The following MYRIP variants were observed in gnomAD, a reference collection of about 807,000 sequenced individuals.
MYRIP encodes the protein rab effector MyRIP.
Under a neutral mutation model 98.0 loss-of-function variants are expected in MYRIP, and 49 were observed. The observed-to-expected ratio is 0.50, with a 90% confidence interval of 0.40 to 0.63. MYRIP has a LOEUF of 0.63. Among genes scored for constraint, MYRIP ranks in the 30% least tolerant of loss-of-function variants. MYRIP has a pLI of 0.00. For synonymous variants in MYRIP, 404 were observed against 409.5 expected (o/e 0.99, Z 0.16); for missense variants, 1,004 against 1,058.2 (o/e 0.95, Z 0.71).
chr3:40,177,563 C>CTATT (rs1424541284), intron 8 of MYRIP, among the ~76,000 whole-genome samples: 1 of 152,216 alleles, frequency 6.6e-6, no homozygotes, highest in Admixed American at 6.5e-5. Context: ...GATTTCTCAT[C>CTATT]TATTCTCTTG....
At chr3:40,150,048 C>T (rs1294766436) in intron 3 of MYRIP, among the ~76,000 whole-genome samples, 2 of 151,316 alleles carry the variant, frequency 1.3e-5, no homozygotes, top group Non-Finnish European at 2.9e-5. Context: ...AATTTGTTCT[C>T]GTCAGGCATA....
chr3:39,844,821 C>G (rs1020167025), intron 1 of MYRIP, among the ~76,000 whole-genome samples: 3 of 152,192 alleles, frequency 2.0e-5, no homozygotes, highest in Admixed American at 2.0e-4. Context: ...AGCGTAGCAT[C>G]TCTATTTATT....
At chr3:39,856,223 T>C (rs1942290018) in intron 1 of MYRIP, among the ~76,000 whole-genome samples, 1 of 152,226 alleles carries the variant, frequency 6.6e-6, no homozygotes, top group Admixed American at 6.5e-5. Flanking sequence ...TCAAATGATT[T>C]GTGAATTCTT....
rs77106312 is a variant in MYRIP, at chr3:39,960,659, A to C, written c.110+59733A>C. Among the ~76,000 whole-genome samples the C allele has an allele frequency of 3.0e-4, 46 of 152,240 alleles. 3 individuals carry two copies. In the East Asian group the frequency reaches 8.5e-3, roughly 28 times the overall value. ...ATCAAAGCAGCACTATTGGCGCCAC[A>C]TATATGTGTTGTGTATTTCTTTTGG... On this transcript the variant is annotated intron_variant, in intron 2 of 16. Coordinates refer to ENST00000302541, the MANE Select transcript of MYRIP (RefSeq NM_015460.4).
intron 3 of MYRIP, among the ~76,000 whole-genome samples, chr3:40,119,119 G>A (rs1949345082): frequency 6.6e-6 from 1 of 151,912 alleles, no homozygotes; most frequent in Admixed American, 6.6e-5. Context: ...TGAGTCAAAT[G>A]GTATTTCTAG....
At chr3:39,822,953 T>C (rs1941148608) in intron 1 of MYRIP, among the ~76,000 whole-genome samples, 1 of 152,012 alleles carries the variant, frequency 6.6e-6, no homozygotes, top group Admixed American at 6.6e-5. Flanking sequence ...TGTTGGACAC[T>C]TGGCTCTTGT....
chr3:39,913,207 G>T (rs1944069451), intron 2 of MYRIP, among the ~76,000 whole-genome samples: 1 of 152,100 alleles, frequency 6.6e-6, no homozygotes, highest in Admixed American at 6.5e-5. Flanking sequence ...ATATTAAAAG[G>T]TCTCTCAGAT....
chr3:39,897,786 G>A (rs13091671), intron 1 of MYRIP, among the ~76,000 whole-genome samples: 31,720 of 150,764 alleles, frequency 0.21, 3,567 homozygotes, highest in Middle Eastern at 0.27. Context: ...TGTCCATTTG[G>A]AGCTATTTTA....
At chr3:40,065,129 C>T (rs1410467055) in intron 3 of MYRIP, among the ~76,000 whole-genome samples, 1 of 152,184 alleles carries the variant, frequency 6.6e-6, no homozygotes, top group East Asian at 1.9e-4. Context: ...ATCCTTTGAT[C>T]CTTCCCAGCT....
At chr3:40,096,221 C>G (rs1948831650) in intron 3 of MYRIP, among the ~76,000 whole-genome samples, 1 of 152,126 alleles carries the variant, frequency 6.6e-6, no homozygotes, top group African/African-American at 2.4e-5. Flanking sequence ...GTCTCACGCT[C>G]TCACAGAGTG....
chr3:40,077,899 C>G (rs1464556975), intron 3 of MYRIP, among the ~76,000 whole-genome samples: 2 of 150,612 alleles, frequency 1.3e-5, no homozygotes, highest in African/African-American at 4.9e-5. Flanking sequence ...GAGCTGCCTG[C>G]CAGTCCCGCG....
At position 39,868,406 on chromosome 3, in the gene MYRIP, C is replaced by T. The variant is rs557544047; in HGVS notation, c.-30-32381C>T. ...GATTTCACTGGGTTTTTCTTTTCTC[C>T]TGCAACACCAATTAAGTGCTTTTCT... On this transcript the variant is annotated intron_variant, in intron 1 of 16. Transcript: ENST00000302541. Among the ~76,000 whole-genome samples the T allele has an allele frequency of 4.6e-5, 7 of 152,198 alleles. 1 individual carries two copies. In the South Asian group the frequency reaches 1.5e-3, roughly 32 times the overall value.
chr3:40,079,835 C>CT (rs1454247329), intron 3 of MYRIP, among the ~76,000 whole-genome samples: 2 of 152,210 alleles, frequency 1.3e-5, no homozygotes, highest in Non-Finnish European at 2.9e-5. Context: ...TACAAAATAA[C>CT]TTTGACTATC....
At chr3:40,166,669 T>C (rs1950506358) in intron 5 of MYRIP, among the ~76,000 whole-genome samples, 177 bp from the exon 6 acceptor site, 1 of 152,048 alleles carries the variant, frequency 6.6e-6, no homozygotes, top group Non-Finnish European at 1.5e-5. Context: ...GCATGGGATG[T>C]GAATGATGCA....
At chr3:40,247,322 C>CA (rs1239729738) in intron 13 of MYRIP, among the ~76,000 whole-genome samples, 11 of 151,984 alleles carry the variant, frequency 7.2e-5, no homozygotes, top group Non-Finnish European at 1.3e-4. Context: ...CAATAATTCC[C>CA]AATGTTCTGT....
chr3:40,023,146 CA>C (rs1271548157), intron 2 of MYRIP, among the ~76,000 whole-genome samples: 1 of 152,048 alleles, frequency 6.6e-6, no homozygotes, highest in Non-Finnish European at 1.5e-5. Flanking sequence ...AAGAGAAAGC[CA>C]GGTGGCTTTG....
chr3:39,840,503 C>T lies in MYRIP; in HGVS notation c.-31+30587C>T, dbSNP rs1233325156. Among the ~76,000 whole-genome samples the T allele has an allele frequency of 2.6e-5, 4 of 152,210 alleles. No individual in the cohort carries two copies. In the East Asian group the frequency reaches 5.8e-4, roughly 22 times the overall value. On this transcript the variant is annotated intron_variant, in intron 1 of 16. Transcript: ENST00000302541. ...TAGTATTGTTATGTGTGAATTTGAC[C>T]TGTCATTATGATATTATGCTAGCTG... is the stretch of plus-strand genomic sequence containing the variant.
chr3:39,830,155 C>T (rs926695900), intron 1 of MYRIP, among the ~76,000 whole-genome samples: 5 of 152,142 alleles, frequency 3.3e-5, no homozygotes, highest in Non-Finnish European at 5.9e-5. Flanking sequence ...TTGCCTTTTC[C>T]AGCTACTCTT....
intron 2 of MYRIP, among the ~76,000 whole-genome samples, chr3:39,920,105 GA>G (rs199997472): frequency 2.0e-4 from 30 of 149,554 alleles, no homozygotes; most frequent in South Asian, 4.2e-4. Flanking sequence ...CTTTGACTAT[GA>G]AAAAAAAATA....
Sources: allele counts gnomAD v4.1 joint callset (sites outside exome capture counted in the v4.1 genomes callset), GRCh38; gene constraint gnomAD v4.1.1; transcripts MANE v1.5; gene names NCBI Gene and HGNC (gene_info 2026-07-23, HGNC 2026-07-21).